Variants in AKT3 observed in about 807,000 individuals in gnomAD.
The protein encoded by AKT3 is AKT serine/threonine kinase 3.
A neutral mutation model predicts 65.3 loss-of-function variants in AKT3; 15 were observed. That is an observed-to-expected ratio of 0.23 (90% CI 0.15 to 0.35). AKT3 has a LOEUF of 0.35. Among genes scored for constraint, AKT3 ranks in the 10% least tolerant of loss-of-function variants. The probability of loss-of-function intolerance (pLI) is 1.00; values close to 1 mark genes in which losing one functional copy is unlikely to be tolerated. For missense variants in AKT3, 243 were observed against 576.5 expected (o/e 0.42, Z 5.92); for synonymous variants, 206 against 183.8 (o/e 1.12, Z -0.98).
intron 8 of AKT3, among the ~76,000 whole-genome samples, chr1:243,598,842 T>C (rs1232692125): frequency 6.6e-6 from 1 of 152,190 alleles, no homozygotes; most frequent in Non-Finnish European, 1.5e-5. Context: ...ATAATATGCA[T>C]CTCCTTCTAG....
rs1669514555 is a variant in AKT3, at chr1:243,504,091, CAG to C, written c.*1156_*1157del. On this transcript the variant is annotated 3_prime_UTR_variant, in exon 14 of 14. Transcript: ENST00000673466. ...TTCAGAGCCTTATCATTTTTTTTAA[CAG>C]AGGAGAAAAAGTGCATGATTCTCAT... 1 of 222,140 alleles carries C rather than the reference CAG, an allele frequency of 4.5e-6. No homozygotes were observed. Among genetic ancestry groups the C allele is most frequent in the Non-Finnish European group, 9.0e-6 (1 of 111,038 alleles). The allele number at this position is 222,140 out of a possible 1,614,324, so 13.8% of individuals were successfully genotyped here.
At chr1:243,637,925 A>ATT (rs2147813157) in intron 5 of AKT3, among the ~76,000 whole-genome samples, 183 bp from the exon 6 acceptor site, 1 of 152,272 alleles carries the variant, frequency 6.6e-6, no homozygotes, top group East Asian at 1.9e-4. Flanking sequence ...GCTGAAAATA[A>ATT]TTTAAGCAGT....
At chr1:243,615,188 A>G (rs1182058996) in intron 6 of AKT3, 27 bp from the exon 7 acceptor site, 1 of 1,556,914 alleles carries the variant, frequency 6.4e-7, no homozygotes, top group Non-Finnish European at 8.8e-7. Context: ...GCAAACCTTC[A>G]ATATATGTTT....
At chr1:243,827,109 T>C (rs1022844814) in intron 2 of AKT3, among the ~76,000 whole-genome samples, 1 of 152,202 alleles carries the variant, frequency 6.6e-6, no homozygotes, top group Non-Finnish European at 1.5e-5. Flanking sequence ...CCAATTCATT[T>C]TTATACATAT....
intron 4 of AKT3, among the ~76,000 whole-genome samples, chr1:243,649,359 ATGTTGGGTGTGTG>A (rs1200403161): frequency 9.5e-6 from 1 of 104,976 alleles, no homozygotes; most frequent in East Asian, 2.8e-4. Flanking sequence ...GTGTGTGTGT[ATGTTGGGTGTGTG>A]TGTGTGTATA....
intron 2 of AKT3, among the ~76,000 whole-genome samples, chr1:243,731,949 C>T (rs1330781254): frequency 1.3e-5 from 2 of 152,178 alleles, no homozygotes; most frequent in African/African-American, 4.8e-5. Context: ...TTCCTAATTT[C>T]ATTTACCACC....
chr1:243,493,477 G>C (rs1414558057), intron 13 of AKT3, among the ~76,000 whole-genome samples: 1 of 152,140 alleles, frequency 6.6e-6, no homozygotes, highest in Non-Finnish European at 1.5e-5. Context: ...TTCTGTGTCT[G>C]CTTTCTTATT....
chr1:243,489,790 G>A (rs1665930628), intron 13 of AKT3, among the ~76,000 whole-genome samples: 1 of 152,206 alleles, frequency 6.6e-6, no homozygotes, highest in Admixed American at 6.5e-5. Context: ...CGCAAACGGA[G>A]GCTAAGCCTG....
intron 2 of AKT3, among the ~76,000 whole-genome samples, chr1:243,741,479 A>G (rs1417174284): frequency 6.6e-6 from 1 of 152,228 alleles, no homozygotes; most frequent in African/African-American, 2.4e-5. Context: ...AATCTTGGCA[A>G]TAACTATAAG....
chr1:243,815,913 T>G (rs1693492485), intron 2 of AKT3, among the ~76,000 whole-genome samples: 1 of 152,028 alleles, frequency 6.6e-6, no homozygotes, highest in African/African-American at 2.4e-5. Context: ...CACCGTGCCC[T>G]GCTCAAAATC....
chr1:243,738,769 G>A (rs368559067), intron 2 of AKT3, among the ~76,000 whole-genome samples: 70 of 152,204 alleles, frequency 4.6e-4, no homozygotes, highest in Middle Eastern at 6.8e-3. Context: ...CTCTAAAGAA[G>A]CAATTAGGTA....
intron 1 of AKT3, among the ~76,000 whole-genome samples, chr1:243,845,473 G>C (rs4603116): frequency 2.4e-4 from 1 of 4,130 alleles, no homozygotes; most frequent in Non-Finnish European, 6.0e-4. Context: ...AGTGGTGGCA[G>C]GCACCTGTAG....
intron 12 of AKT3, among the ~76,000 whole-genome samples, chr1:243,535,516 C>G (rs975735437): frequency 6.6e-6 from 1 of 152,246 alleles, no homozygotes; most frequent in Non-Finnish European, 1.5e-5. Flanking sequence ...GGATAATGGC[C>G]TTCAGTTCCA....
chr1:243,847,208 G>A (rs1455354515), intron 1 of AKT3, among the ~76,000 whole-genome samples: 2 of 152,114 alleles, frequency 1.3e-5, no homozygotes, highest in Non-Finnish European at 2.9e-5. Flanking sequence ...CAGATCACAA[G>A]ACTGATTTGC....
chr1:243,693,815 G>C (rs936171374), intron 3 of AKT3, among the ~76,000 whole-genome samples: 1 of 152,086 alleles, frequency 6.6e-6, no homozygotes, highest in African/African-American at 2.4e-5. Context: ...AATTTATTTA[G>C]AGTAAGATCC....
intron 5 of AKT3, among the ~76,000 whole-genome samples, chr1:243,642,849 A>T (rs1680540936): frequency 1.3e-5 from 2 of 152,236 alleles, no homozygotes; most frequent in Admixed American, 1.3e-4. Context: ...AAATTAGATT[A>T]AAAATAAACA....
intron 2 of AKT3, among the ~76,000 whole-genome samples, chr1:243,840,714 A>AT (rs35797982): frequency 0.51 from 76,364 of 149,370 alleles, 21,757 homozygotes; most frequent in Non-Finnish European, 0.65. Context: ...AGAAAAGCTA[A>AT]TTTTTTTTTT....
intron 1 of AKT3, among the ~76,000 whole-genome samples, chr1:243,843,967 T>C (rs1435687528): frequency 2.6e-5 from 4 of 152,182 alleles, no homozygotes; most frequent in Non-Finnish European, 5.9e-5. Flanking sequence ...CTTTAAGTGA[T>C]ATAAAATACA....
intron 2 of AKT3, among the ~76,000 whole-genome samples, chr1:243,822,547 GAAGAA>G (rs1199380628): frequency 5.3e-5 from 8 of 149,914 alleles, no homozygotes; most frequent in African/African-American, 2.0e-4. Flanking sequence ...GATTAATAAA[GAAGAA>G]AAGAGAGAAG....
Sources: gnomAD v4.1 joint callset for allele counts (sites outside exome capture counted in the v4.1 genomes callset) on GRCh38, gnomAD v4.1.1 for gene constraint, MANE v1.5 for transcripts, NCBI Gene and HGNC (gene_info 2026-07-23, HGNC 2026-07-21) for gene names.